SAFB: variants seen among roughly 807,000 people sequenced by gnomAD.
The protein encoded by SAFB is scaffold attachment factor B, also known as scaffold attachment factor B1.
A neutral mutation model predicts 101.6 loss-of-function variants in SAFB; 15 were observed. The observed-to-expected ratio is 0.15, with a 90% CI of 0.10 to 0.23. SAFB has a LOEUF of 0.23. SAFB is among the 10% of genes least tolerant of loss of function. SAFB has a pLI of 1.00. For missense variants in SAFB, 930 were observed against 1,104.1 expected, an observed-to-expected ratio of 0.84 and a Z score of 2.23; for synonymous variants, 449 against 407.5, an observed-to-expected ratio of 1.10 and a Z score of -1.23.
At chr19:5,657,937 A>G (rs2054101804) in intron 14 of SAFB, among the ~76,000 whole-genome samples, 1 of 152,226 alleles carries the variant, frequency 6.6e-6, no homozygotes, top group Non-Finnish European at 1.5e-5. Flanking sequence ...AAAATACCAA[A>G]TTTGCTCCAG....
chr19:5,638,067 A>G (rs1207277481), intron 2 of SAFB, among the ~76,000 whole-genome samples: 1 of 152,096 alleles, frequency 6.6e-6, no homozygotes, highest in Non-Finnish European at 1.5e-5. Flanking sequence ...TACTCATTTT[A>G]TCATTTGTAT....
chr19:5,643,260 G>T (rs2053760490), intron 4 of SAFB, among the ~76,000 whole-genome samples: 1 of 151,904 alleles, frequency 6.6e-6, no homozygotes, highest in African/African-American at 2.4e-5. Context: ...CTCGTGGGGG[G>T]CCCTGTTCTT....
At chr19:5,644,816 A>G (rs1179026376) in intron 4 of SAFB, among the ~76,000 whole-genome samples, 2 of 152,208 alleles carry the variant, frequency 1.3e-5, no homozygotes, top group South Asian at 2.1e-4. Context: ...CCCTGCAAGT[A>G]GGGCATAGGA....
intron 20 of SAFB, 75 bp from the exon 21 acceptor site, chr19:5,668,087 G>C: frequency 6.5e-7 from 1 of 1,532,170 alleles, no homozygotes; most frequent in Admixed American, 2.0e-5. Flanking sequence ...GCAACACTCA[G>C]GGAAGCTGTG....
intron 4 of SAFB, among the ~76,000 whole-genome samples, chr19:5,644,281 C>T (rs1350104460): frequency 6.6e-6 from 1 of 152,166 alleles, no homozygotes; most frequent in Non-Finnish European, 1.5e-5. Context: ...AGTTCAATGC[C>T]TAGCATCTAG....
intron 2 of SAFB, among the ~76,000 whole-genome samples, chr19:5,640,521 G>A (rs1167968939): frequency 2.6e-5 from 4 of 151,758 alleles, no homozygotes; most frequent in Non-Finnish European, 1.5e-5. Context: ...GCACGAGATT[G>A]GCACTTTTTA....
At chr19:5,640,630 TC>T (rs1308912300) in intron 2 of SAFB, among the ~76,000 whole-genome samples, 2 of 152,048 alleles carry the variant, frequency 1.3e-5, no homozygotes, top group Non-Finnish European at 2.9e-5. Flanking sequence ...TGCTCTGTCA[TC>T]CAGGCTGGAG....
At position 5,667,999 on chromosome 19, in the gene SAFB, G is replaced by A. The variant is rs1334695758; in HGVS notation, c.2624+113G>A. 3 of 1,416,560 alleles carry A rather than the reference G, an allele frequency of 2.1e-6. No homozygotes were observed. Among genetic ancestry groups the A allele is most frequent in the Admixed American group, 4.2e-5 (2 of 47,190 alleles). 87.7% of individuals were successfully genotyped at this position (1,416,560 alleles called of 1,614,324 possible). On this transcript the variant is annotated intron_variant, in intron 20 of 20. Coordinates refer to ENST00000588852, the MANE Select transcript of SAFB (RefSeq NM_001201338.2). The surrounding 1 kb of genome is among the most constrained non-coding windows in gnomAD (Gnocchi z 4.0). ...TAGTGCCCCTCCCCCCAAGGGTGACGTGAGGCCAGGCATGGGGTACTGTGG... is the reference window on the plus strand; with the variant it reads ...TAGTGCCCCTCCCCCCAAGGGTGACATGAGGCCAGGCATGGGGTACTGTGG...
intron 15 of SAFB, among the ~76,000 whole-genome samples, chr19:5,662,079 G>T (rs949896117): frequency 3.9e-5 from 6 of 152,080 alleles, no homozygotes; most frequent in East Asian, 1.9e-4. Context: ...TAGAGACGGG[G>T]TTTCACTGTG....
In SAFB at chr19:5,645,475, T is replaced by C. The variant is rs1407508488; in HGVS notation, c.609+76T>C. The stretch of plus-strand genomic sequence containing the variant: ...TTTCTGGAATCCATTTCAGACACCA[T>C]ATGCCAGTTCCAGCTAATAATCACC... On this transcript the variant is annotated intron_variant, in intron 5 of 20. Coordinates refer to ENST00000588852, the MANE Select transcript of SAFB (RefSeq NM_001201338.2). The C allele has an allele frequency of 2.8e-5, 20 of 716,722 alleles. No individual in the cohort carries two copies. In the Admixed American group the frequency reaches 4.6e-4, roughly 16 times the overall value. The allele number at this position is 716,722 out of a possible 1,614,324, so 44.4% of individuals were successfully genotyped here. A position where few individuals can be genotyped will look rare whatever the true frequency, so the allele number is the denominator to read the frequency against.
chr19:5,632,352 A>G (rs1362893128), intron 2 of SAFB, among the ~76,000 whole-genome samples: 1 of 152,118 alleles, frequency 6.6e-6, no homozygotes, highest in Non-Finnish European at 1.5e-5. Context: ...CTCTCCTTGT[A>G]TGTATGTTTT....
chr19:5,648,929 G>A (rs2145446908), intron 6 of SAFB, 60 bp from the exon 7 acceptor site: 3 of 384,290 alleles, frequency 7.8e-6, no homozygotes, highest in East Asian at 1.6e-4. Context: ...CCACATTTGT[G>A]ATTGCTTTAT....
chr19:5,624,254 A>G (rs2053286984), intron 1 of SAFB, among the ~76,000 whole-genome samples: 1 of 151,406 alleles, frequency 6.6e-6, no homozygotes, highest in East Asian at 1.9e-4. Flanking sequence ...GTAAGAAGCA[A>G]AAAAGCAATA....
At chr19:5,656,661 C>T (rs2054069620) in intron 13 of SAFB, among the ~76,000 whole-genome samples, 1 of 150,984 alleles carries the variant, frequency 6.6e-6, no homozygotes, top group South Asian at 2.1e-4. Flanking sequence ...ACTGCAACTA[C>T]TGCCTCCCAG....
intron 2 of SAFB, among the ~76,000 whole-genome samples, chr19:5,634,974 C>G (rs1007482327): frequency 6.6e-6 from 1 of 151,830 alleles, no homozygotes; most frequent in African/African-American, 2.4e-5. Flanking sequence ...CTTGTCTCTA[C>G]AAAAAAATAC....
rs376494212 is a variant in SAFB at position 5,667,035 on chromosome 19, G to A, written c.2335-11G>A. The A allele has an allele frequency of 1.4e-5, 21 of 1,553,120 alleles. No homozygotes were observed. The African/African-American group carries it at 2.7e-4, about 20-fold the overall frequency. Reference sequence around the variant, plus strand: ...AAGCTTTTTTTTCCCTTCTGGCTCTGTGATGTCCAGCATTACCCAGAACGC... The same window carrying A: ...AAGCTTTTTTTTCCCTTCTGGCTCTATGATGTCCAGCATTACCCAGAACGC... On this transcript the variant is annotated splice_polypyrimidine_tract_variant and intron_variant, in intron 17 of 20. Transcript: ENST00000588852. This position sits in a 1 kb window ranked among gnomAD's most constrained non-coding sequence, Gnocchi z 4.0.
chr19:5,651,141 C>A, intron 9 of SAFB, 69 bp downstream of exon 9: 1 of 959,120 alleles, frequency 1.0e-6, no homozygotes, highest in Non-Finnish European at 1.6e-6. Context: ...CATGGAGGTC[C>A]TCTCCCCTCA....
Position 5,667,549 on chromosome 19 carries a change from G to C in SAFB, c.2557+99G>C. 1.2e-6 allele frequency: 1 copy of C among 848,986 alleles called. No homozygotes were observed. Among genetic ancestry groups the C allele is most frequent in the Non-Finnish European group, 1.9e-6 (1 of 537,904 alleles). 52.6% of individuals were successfully genotyped at this position (848,986 alleles called of 1,614,324 possible). On this transcript the variant is annotated intron_variant, in intron 19 of 20. Transcript: ENST00000588852. This position sits in a 1 kb window ranked among gnomAD's most constrained non-coding sequence, Gnocchi z 4.0. Reference sequence around the variant, plus strand: ...CTTGGGGGAGCACAGGAGGTGCTCTGCTCTCAGTGCTGGAATGAGGAATGA... The same window carrying C: ...CTTGGGGGAGCACAGGAGGTGCTCTCCTCTCAGTGCTGGAATGAGGAATGA...
intron 1 of SAFB, among the ~76,000 whole-genome samples, chr19:5,624,839 A>T (rs937581921): frequency 1.3e-5 from 2 of 152,154 alleles, no homozygotes; most frequent in Non-Finnish European, 2.9e-5. Flanking sequence ...AAGCCCACTG[A>T]TCTACATATT....
Sources: gnomAD v4.1 joint callset for allele counts (sites outside exome capture counted in the v4.1 genomes callset) on GRCh38, gnomAD v4.1.1 for gene constraint, Gnocchi (gnomAD v3.1) non-coding constraint, MANE v1.5 for transcripts, NCBI Gene and HGNC (gene_info 2026-07-23, HGNC 2026-07-21) for gene names.